COL4A6: variants seen among roughly 807,000 people sequenced by gnomAD.
The protein encoded by COL4A6 is collagen alpha-6(IV) chain.
COL4A6 carries 59 observed loss-of-function variants against 126.7 expected under a neutral mutation model. That is an observed-to-expected ratio of 0.47 (90% CI 0.38 to 0.58). The LOEUF (loss-of-function observed/expected upper bound fraction) is 0.58. COL4A6 is among the 20% of genes least tolerant of loss of function. The probability of loss-of-function intolerance (pLI) is 0.00; values close to 1 mark genes in which losing one functional copy is unlikely to be tolerated. For synonymous variants in COL4A6, 547 were observed against 496.6 expected (o/e 1.10, Z -1.35); for missense variants, 1,285 against 1,337.3 (o/e 0.96, Z 0.61).
At position 108,180,505 on chromosome X, in the gene COL4A6, C is replaced by T. The variant is rs1260961813; in HGVS notation, c.2131+10G>A. Reference sequence around the variant, plus strand: ...AAGAGAAGCAGGTGAGGAGACACTCCTTTTCTTACCTGGTAATTCAGGAAG... The same window carrying T: ...AAGAGAAGCAGGTGAGGAGACACTCTTTTTCTTACCTGGTAATTCAGGAAG... On this transcript the variant is annotated intron_variant, in intron 25 of 44. Transcript: ENST00000334504. The T allele has an allele frequency of 2.5e-6, 3 of 1,178,239 alleles. No homozygotes were observed. The highest frequency in any genetic ancestry group is 2.3e-6 in the Non-Finnish European group (2 of 869,135).
intron 2 of COL4A6, among the ~76,000 whole-genome samples, chrX:108,374,181 G>A (rs892478605): frequency 2.7e-5 from 3 of 112,245 alleles, no homozygotes; most frequent in South Asian, 3.7e-4. Flanking sequence ...GTATGCTAAC[G>A]TGAAAACTGA....
At chrX:108,312,276 A>G (rs1446983924) in intron 2 of COL4A6, among the ~76,000 whole-genome samples, 1 of 112,262 alleles carries the variant, frequency 8.9e-6, no homozygotes, top group Non-Finnish European at 1.9e-5. Flanking sequence ...ATCTCTTTAG[A>G]CATTCCCACA....
At chrX:108,277,481 G>A (rs1334986273) in intron 3 of COL4A6, among the ~76,000 whole-genome samples, 2 of 112,646 alleles carry the variant, frequency 1.8e-5, no homozygotes, top group African/African-American at 3.2e-5. Flanking sequence ...AAACAAAGCA[G>A]CCCTGAAGCT....
Position 108,162,912 on chromosome X carries a change from T to C in COL4A6, c.4196A>G (p.Gln1399Arg). The C allele has an allele frequency of 8.4e-7, 1 of 1,194,297 alleles. No homozygotes were observed. Among genetic ancestry groups the C allele is most frequent in the Admixed American group, 2.3e-5 (1 of 42,843 alleles). Residue 1399 changes from glutamine (Q) to arginine (R), a missense_variant, in exon 41 of 45, where the codon CAA becomes CGA. Physicochemically the swap from Gln to Arg is conservative, Grantham distance 43. Transcript: ENST00000334504. ...CTCACCTTGTAGGCCTACAGGGCCT[T>C]GAGCCCCAGGGTCCCCAGTGAGGCC... ...IPGLTGDPGA[Q>R]GPVGLQGSKG...
intron 3 of COL4A6, chrX:108,267,582 T>A (rs957143354): frequency 3.5e-5 from 4 of 112,683 alleles, no homozygotes; most frequent in Non-Finnish European, 7.5e-5. Context: ...TGATAATTTG[T>A]TAAAGTGAGG....
chrX:108,246,642 C>G (rs2036722741), intron 3 of COL4A6, among the ~76,000 whole-genome samples: 1 of 111,682 alleles, frequency 9.0e-6, no homozygotes, highest in Admixed American at 9.5e-5. Flanking sequence ...ATAGCAGGAA[C>G]AATCTGGCCA....
At chrX:108,255,899 T>C (rs775106502) in intron 3 of COL4A6, among the ~76,000 whole-genome samples, 1 of 111,316 alleles carries the variant, frequency 9.0e-6, no homozygotes, top group African/African-American at 3.3e-5. Context: ...CATGGAGTCA[T>C]CATAAGGCAG....
chrX:108,195,340 C>T (rs186075944), intron 14 of COL4A6, among the ~76,000 whole-genome samples: 36 of 109,004 alleles, frequency 3.3e-4, no homozygotes, highest in Admixed American at 2.8e-3. Context: ...GGTACAATCT[C>T]GGCTCACTGC....
chrX:108,248,839 G>T (rs780646088), intron 3 of COL4A6, among the ~76,000 whole-genome samples: 22 of 110,306 alleles, frequency 2.0e-4, no homozygotes, highest in African/African-American at 6.6e-4. Flanking sequence ...TCCCATCACA[G>T]GAATTATCAC....
chrX:108,217,866 G>A (rs2035904887), intron 5 of COL4A6, among the ~76,000 whole-genome samples: 1 of 111,804 alleles, frequency 8.9e-6, no homozygotes, highest in South Asian at 3.8e-4. Context: ...CAGGAGTTCA[G>A]GCAAGAAAAC....
chrX:108,220,826 AGCCTG>A (rs1444692963), intron 4 of COL4A6, among the ~76,000 whole-genome samples: 3 of 112,912 alleles, frequency 2.7e-5, no homozygotes, highest in Non-Finnish European at 5.6e-5. Context: ...TAAAATATGC[AGCCTG>A]GGTGGGGCAT....
At chrX:108,196,710 G>T in intron 13 of COL4A6, 131 bp from the exon 14 acceptor site, 1 of 493,391 alleles carries the variant, frequency 2.0e-6, no homozygotes, top group Non-Finnish European at 3.4e-6. Flanking sequence ...GCTGTCTCTT[G>T]TCACTGCCTG....
Position 108,156,975 on chromosome X carries a change from A to G in COL4A6, c.*25T>C. The G allele has an allele frequency of 8.3e-7, 1 of 1,199,121 alleles. No homozygotes were observed. Among genetic ancestry groups the G allele is most frequent in the East Asian group, 3.0e-5 (1 of 33,732 alleles). On this transcript the variant is annotated 3_prime_UTR_variant, in exon 45 of 45. Transcript: ENST00000334504. ...ACTGTTGTGAGGGGCAGGGGAGGGC[A>G]AGGGGCAGAGTGGCAGGTGCCACCC...
chrX:108,194,420 A>C (rs2035146945), intron 16 of COL4A6, 114 bp downstream of exon 16: 2 of 778,116 alleles, frequency 2.6e-6, no homozygotes. Flanking sequence ...TTCTTAAGAA[A>C]AAATTGAAAC....
At position 108,160,455 on chromosome X, in the gene COL4A6, G is replaced by A. The variant is rs1245734319; in HGVS notation, c.4525+8C>T. 1 of 1,187,108 alleles carries A rather than the reference G, an allele frequency of 8.4e-7. No homozygotes were observed. Among genetic ancestry groups the A allele is most frequent in the East Asian group, 3.0e-5 (1 of 33,376 alleles). On this transcript the variant is annotated splice_region_variant and intron_variant, in intron 43 of 44. Coordinates refer to ENST00000334504, the MANE Select transcript of COL4A6 (RefSeq NM_033641.4). ...TGACCAGGGCTGGCTGTCAGAGCTG[G>A]TACCTACCCAGGTCCTGGTTGTGGG...
At chrX:108,335,731 A>T (rs903546685) in intron 2 of COL4A6, among the ~76,000 whole-genome samples, 1 of 111,147 alleles carries the variant, frequency 9.0e-6, no homozygotes, top group Non-Finnish European at 1.9e-5. Flanking sequence ...CCAGAGCTCT[A>T]CAAGGTGGGG....
At chrX:108,425,924 C>T (rs995111384) in intron 2 of COL4A6, among the ~76,000 whole-genome samples, 3 of 111,136 alleles carry the variant, frequency 2.7e-5, no homozygotes, top group Non-Finnish European at 3.8e-5. Flanking sequence ...GGTCTACTGT[C>T]GTAAATTTTG....
intron 2 of COL4A6, among the ~76,000 whole-genome samples, chrX:108,378,588 C>G (rs1175956728): frequency 8.9e-6 from 1 of 112,561 alleles, no homozygotes; most frequent in African/African-American, 3.2e-5. Context: ...ACGTTAGATG[C>G]AGCCACATGA....
intron 2 of COL4A6, among the ~76,000 whole-genome samples, chrX:108,362,308 A>T (rs1185875609): frequency 3.6e-5 from 4 of 112,294 alleles, no homozygotes; most frequent in Non-Finnish European, 3.8e-5. Context: ...AAAACATTTT[A>T]AAAAAAGGAG....
Sources: allele counts gnomAD v4.1 joint callset (sites outside exome capture counted in the v4.1 genomes callset), GRCh38; gene constraint gnomAD v4.1.1; transcripts MANE v1.5; gene names NCBI Gene and HGNC (gene_info 2026-07-23, HGNC 2026-07-21).